Variants in PDE1C observed in about 807,000 individuals in gnomAD.
The protein encoded by PDE1C is dual specificity calcium/calmodulin-dependent 3',5'-cyclic nucleotide phosphodiesterase 1C.
Under a neutral mutation model 93.1 loss-of-function variants are expected in PDE1C, and 62 were observed. The observed-to-expected ratio is 0.67, with a 90% CI of 0.54 to 0.82. The LOEUF (loss-of-function observed/expected upper bound fraction) is 0.82. Among genes scored for constraint, PDE1C ranks in the 40% least tolerant of loss-of-function variants. The pLI is 0.00. For synonymous variants in PDE1C, 325 were observed against 310.1 expected (o/e 1.05, Z -0.50); for missense variants, 742 against 884.6 (o/e 0.84, Z 2.04).
intron 2 of PDE1C, among the ~76,000 whole-genome samples, chr7:32,035,321 G>T (rs1237298432): frequency 6.6e-6 from 1 of 152,084 alleles, no homozygotes; most frequent in Non-Finnish European, 1.5e-5. Context: ...CCGAGCCTGT[G>T]ATAAACTCTC....
chr7:31,890,508 C>G (rs760437464), intron 2 of PDE1C, among the ~76,000 whole-genome samples: 5 of 152,150 alleles, frequency 3.3e-5, no homozygotes, highest in Non-Finnish European at 7.3e-5. Flanking sequence ...AACCCGGTCC[C>G]GTGACTCCTT....
intron 3 of PDE1C, among the ~76,000 whole-genome samples, chr7:32,131,885 CAAAG>C (rs1384594297): frequency 5.3e-5 from 8 of 151,880 alleles, no homozygotes; most frequent in Admixed American, 4.6e-4. Flanking sequence ...TTGGGAGACA[CAAAG>C]AAGTTAGAAA....
the PDE1C span, among the ~76,000 whole-genome samples, chr7:31,632,372 C>T: frequency 5.9e-5 from 9 of 152,132 alleles, no homozygotes; most frequent in South Asian, 1.0e-3. Context: ...CGCTTGAACC[C>T]GGGAGGCAGA....
chr7:32,128,628 A>C (rs1201885803), intron 3 of PDE1C, among the ~76,000 whole-genome samples: 1 of 151,768 alleles, frequency 6.6e-6, no homozygotes, highest in African/African-American at 2.4e-5. Context: ...ATTTTGTTTT[A>C]ATGATCTCGG....
chr7:31,774,679 C>G (rs1260630306), intron 17 of PDE1C, among the ~76,000 whole-genome samples: 1 of 152,104 alleles, frequency 6.6e-6, no homozygotes, highest in Admixed American at 6.5e-5. Context: ...TAGTCAATTA[C>G]TGAAATATTT....
intron 1 of PDE1C, among the ~76,000 whole-genome samples, chr7:32,339,708 A>C (rs1348803994): frequency 6.6e-6 from 1 of 152,102 alleles, no homozygotes; most frequent in African/African-American, 2.4e-5. Context: ...GGAGATGAGG[A>C]AATGGAGCTC....
intron 1 of PDE1C, among the ~76,000 whole-genome samples, chr7:32,372,365 A>C (rs570391314): frequency 1.8e-4 from 27 of 152,234 alleles, no homozygotes; most frequent in African/African-American, 6.5e-4. Flanking sequence ...AATTTTTGAC[A>C]AGGGTACCAA....
chr7:32,374,787 T>C (rs1044854175), intron 1 of PDE1C, among the ~76,000 whole-genome samples: 9 of 152,230 alleles, frequency 5.9e-5, no homozygotes, highest in African/African-American at 2.2e-4. Flanking sequence ...GTAAACTTTA[T>C]CTAAGGTTTT....
chr7:32,156,039 A>T (rs1801552209), intron 3 of PDE1C, among the ~76,000 whole-genome samples: 1 of 152,218 alleles, frequency 6.6e-6, no homozygotes, highest in Non-Finnish European at 1.5e-5. Flanking sequence ...AACCCATTCC[A>T]TGAGTTTCTC....
rs149051560 is a variant in PDE1C at position 31,833,820 on chromosome 7, G to A, written c.1203+3360C>T. 3.5e-3 allele frequency among the ~76,000 whole-genome samples: 530 copies of A among 152,310 alleles called. 8 individuals carry two copies. Among genetic ancestry groups the A allele is most frequent in the African/African-American group, 0.012 (501 of 41,578 alleles). On this transcript the variant is annotated intron_variant, in intron 11 of 17. Coordinates refer to ENST00000396191, the MANE Select transcript of PDE1C (RefSeq NM_001191057.4). ...AAATTTGCAGCCTGATGATGCAATA[G>A]AAAAGAAAAACCCATTTTCTGAGGA...
At chr7:31,971,474 G>A (rs67852353) in intron 2 of PDE1C, among the ~76,000 whole-genome samples, 19,735 of 152,124 alleles carry the variant, frequency 0.13, 1,636 homozygotes, top group South Asian at 0.19. Flanking sequence ...TGACGATCAC[G>A]CTAGGGATGA....
At chr7:32,213,128 G>A (rs1489357475) in intron 1 of PDE1C, among the ~76,000 whole-genome samples, 2 of 152,176 alleles carry the variant, frequency 1.3e-5, no homozygotes, top group Non-Finnish European at 2.9e-5. Context: ...AGACATCTCA[G>A]ACTGCCTTCC....
chr7:31,672,983 C>T, the PDE1C span, among the ~76,000 whole-genome samples: 1 of 152,192 alleles, frequency 6.6e-6, no homozygotes, highest in African/African-American at 2.4e-5. Context: ...CTTTCTCCTG[C>T]TTCCCTGTGA....
At chr7:31,917,538 T>C (rs1402166969) in intron 2 of PDE1C, among the ~76,000 whole-genome samples, 3 of 152,128 alleles carry the variant, frequency 2.0e-5, no homozygotes, top group Non-Finnish European at 4.4e-5. Flanking sequence ...GAAGAAATAT[T>C]TCACCTAATA....
At chr7:31,772,466 G>C (rs1562767081) in intron 17 of PDE1C, among the ~76,000 whole-genome samples, 1 of 151,050 alleles carries the variant, frequency 6.6e-6, no homozygotes, top group Non-Finnish European at 1.5e-5. Context: ...CCTTACTCAG[G>C]ATGTGGATCA....
chr7:32,260,447 C>T (rs182174354), intron 1 of PDE1C, among the ~76,000 whole-genome samples: 148 of 152,296 alleles, frequency 9.7e-4, no homozygotes, highest in African/African-American at 3.4e-3. Context: ...AGAAAAGGCC[C>T]CCGTGAAACA....
intron 2 of PDE1C, among the ~76,000 whole-genome samples, chr7:32,012,280 T>G (rs1787242688): frequency 6.6e-6 from 1 of 152,148 alleles, no homozygotes; most frequent in Non-Finnish European, 1.5e-5. Flanking sequence ...AAGAAGTCAT[T>G]GTATCACGTG....
At chr7:31,729,492 C>T in the PDE1C span, among the ~76,000 whole-genome samples, 153 of 152,292 alleles carry the variant, frequency 1.0e-3, no homozygotes, top group East Asian at 0.016. Context: ...TGCATTTTAC[C>T]TTTTTAAATT....
chr7:32,040,140 CAAT>C (rs1214303166), intron 2 of PDE1C, among the ~76,000 whole-genome samples: 27 of 152,156 alleles, frequency 1.8e-4, no homozygotes, highest in African/African-American at 5.3e-4. Flanking sequence ...ACATAAACAA[CAAT>C]AAGTCAAAAT....
Sources: allele counts gnomAD v4.1 joint callset (sites outside exome capture counted in the v4.1 genomes callset), GRCh38; gene constraint gnomAD v4.1.1; transcripts MANE v1.5; gene names NCBI Gene and HGNC (gene_info 2026-07-23, HGNC 2026-07-21).